The following OR1B1 variants were observed in gnomAD, a reference collection of about 807,000 sequenced individuals.
OR1B1 encodes olfactory receptor family 1 subfamily B member 1.
For synonymous variants in OR1B1, 168 were observed against 156.2 expected, an observed-to-expected ratio of 1.08 and a Z score of -0.57; for missense variants, 414 against 402.1, an observed-to-expected ratio of 1.03 and a Z score of -0.25.
upstream of OR1B1, among the ~76,000 whole-genome samples, chr9:122,633,409 T>C (rs554853740): frequency 9.3e-4 from 141 of 152,200 alleles, no homozygotes; most frequent in Middle Eastern, 0.02. Flanking sequence ...TTCTGGATAT[T>C]ACACCAAATG....
chr9:122,634,167 T>C (rs1376312772), upstream of OR1B1, among the ~76,000 whole-genome samples: 1 of 151,248 alleles, frequency 6.6e-6, no homozygotes, highest in East Asian at 1.9e-4. Context: ...AGAAACCCCG[T>C]CCTTACTGAA....
upstream of OR1B1, among the ~76,000 whole-genome samples, chr9:122,633,141 T>A (rs535896475): frequency 2.6e-5 from 4 of 152,240 alleles, no homozygotes; most frequent in South Asian, 8.3e-4. Context: ...AAGATGAGAT[T>A]TGGGTGGGGA....
At chr9:122,637,499 C>T in the OR1B1 span, among the ~76,000 whole-genome samples, 1 of 152,150 alleles carries the variant, frequency 6.6e-6, no homozygotes, top group Admixed American at 6.6e-5. Context: ...TTCAAGATGA[C>T]ACAGCTCATG....
At chr9:122,644,050 A>AG in the OR1B1 span, among the ~76,000 whole-genome samples, 47 of 152,240 alleles carry the variant, frequency 3.1e-4, 1 homozygote, top group South Asian at 9.7e-3. Context: ...CTGTGAAAAA[A>AG]GGCTCCACCT....
upstream of OR1B1, among the ~76,000 whole-genome samples, chr9:122,632,105 G>T (rs1427878715): frequency 1.3e-5 from 2 of 152,030 alleles, no homozygotes; most frequent in Non-Finnish European, 2.9e-5. Flanking sequence ...ATCCACCAAA[G>T]ATGAGCTCAC....
the OR1B1 span, among the ~76,000 whole-genome samples, chr9:122,649,944 A>G: frequency 6.6e-6 from 1 of 152,212 alleles, no homozygotes; most frequent in African/African-American, 2.4e-5. Context: ...AGACACATGC[A>G]CATGTATGTT....
At chr9:122,640,413 T>C in the OR1B1 span, among the ~76,000 whole-genome samples, 1 of 151,990 alleles carries the variant, frequency 6.6e-6, no homozygotes, top group Non-Finnish European at 1.5e-5. Context: ...TTGTTGAAAA[T>C]ACAATACCTA....
At chr9:122,653,672 G>T in the OR1B1 span, among the ~76,000 whole-genome samples, 1 of 152,116 alleles carries the variant, frequency 6.6e-6, no homozygotes, top group African/African-American at 2.4e-5. Flanking sequence ...GGCTGAAATT[G>T]AGGTTATAAA....
exon 1 of OR1B1, chr9:122,628,990 G>T (rs762318643): frequency 1.2e-6 from 2 of 1,613,934 alleles, no homozygotes; most frequent in South Asian, 1.1e-5. Context: ...CACAAAAGAA[G>T]TGAGGAAGGT....
chr9:122,644,524 TG>T, the OR1B1 span, among the ~76,000 whole-genome samples: 1 of 152,216 alleles, frequency 6.6e-6, no homozygotes, highest in Non-Finnish European at 1.5e-5. Context: ...TGCATGGGCC[TG>T]GGTAAACTTG....
chr9:122,641,373 A>G, the OR1B1 span, among the ~76,000 whole-genome samples: 4 of 152,378 alleles, frequency 2.6e-5, no homozygotes, highest in East Asian at 7.7e-4. Context: ...TGTTTCCAAA[A>G]GTAATTTTGT....
At chr9:122,646,634 A>G in the OR1B1 span, among the ~76,000 whole-genome samples, 1 of 152,268 alleles carries the variant, frequency 6.6e-6, no homozygotes, top group East Asian at 1.9e-4. Flanking sequence ...TGATAAAAGG[A>G]TCAATTCAGC....
the OR1B1 span, among the ~76,000 whole-genome samples, chr9:122,649,061 C>G: frequency 2.0e-5 from 3 of 152,126 alleles, no homozygotes. Flanking sequence ...ACATATAAAT[C>G]AATGGAACAG....
chr9:122,628,221 G>C (rs959929473), downstream of OR1B1, among the ~76,000 whole-genome samples: 2 of 152,102 alleles, frequency 1.3e-5, no homozygotes, highest in African/African-American at 4.8e-5. Context: ...ATGTGATGAT[G>C]ATGATTAACT....
upstream of OR1B1, among the ~76,000 whole-genome samples, chr9:122,633,642 CAA>C (rs1830226290): frequency 6.6e-6 from 1 of 151,944 alleles, no homozygotes; most frequent in East Asian, 1.9e-4. Flanking sequence ...TCAAAATGGG[CAA>C]AGAGGCCAGG....
chr9:122,648,853 C>T, the OR1B1 span, among the ~76,000 whole-genome samples: 1 of 152,092 alleles, frequency 6.6e-6, no homozygotes, highest in South Asian at 2.1e-4. Context: ...TCAATGCTAT[C>T]CCCATCGACC....
chr9:122,651,175 T>C, the OR1B1 span, among the ~76,000 whole-genome samples: 1 of 152,208 alleles, frequency 6.6e-6, no homozygotes, highest in Non-Finnish European at 1.5e-5. Context: ...CTTTTCTAAA[T>C]TTAATTTTGT....
At chr9:122,644,419 T>G in the OR1B1 span, among the ~76,000 whole-genome samples, 45 of 152,358 alleles carry the variant, frequency 3.0e-4, 1 homozygote, top group East Asian at 7.5e-3. Context: ...GAATAGTGGT[T>G]TGAGTGCCAG....
upstream of OR1B1, among the ~76,000 whole-genome samples, chr9:122,631,343 A>AT (rs1356278589): frequency 4.0e-5 from 6 of 151,294 alleles, no homozygotes; most frequent in Non-Finnish European, 7.4e-5. Flanking sequence ...TGCCAGGCTA[A>AT]TTTTTTTGTA....
Sources: gnomAD v4.1 joint callset for allele counts (sites outside exome capture counted in the v4.1 genomes callset) on GRCh38, gnomAD v4.1.1 for gene constraint, MANE v1.5 for transcripts, NCBI Gene and HGNC (gene_info 2026-07-23, HGNC 2026-07-21) for gene names.